CHRM3: variants seen among roughly 807,000 people sequenced by gnomAD.
CHRM3 encodes muscarinic acetylcholine receptor M3.
A neutral mutation model predicts 41.8 loss-of-function variants in CHRM3; 11 were observed. The observed-to-expected ratio is 0.26, with a 90% CI of 0.17 to 0.44. The LOEUF is 0.44. Ranked by LOEUF, CHRM3 falls within the 20% of genes least tolerant of loss-of-function variation. The pLI is 1.00. For missense variants in CHRM3, 571 were observed against 745.4 expected, an observed-to-expected ratio of 0.77 and a Z score of 2.72; for synonymous variants, 297 against 301.4, an observed-to-expected ratio of 0.99 and a Z score of 0.15.
At chr1:239,450,126 T>C (rs878900134) in intron 1 of CHRM3, among the ~76,000 whole-genome samples, 1 of 152,226 alleles carries the variant, frequency 6.6e-6, no homozygotes, top group Non-Finnish European at 1.5e-5. Context: ...CTTGTTACCC[T>C]TCTATGCTCA....
At chr1:239,557,294 A>G (rs1660452459) in intron 3 of CHRM3, among the ~76,000 whole-genome samples, 1 of 152,102 alleles carries the variant, frequency 6.6e-6, no homozygotes, top group East Asian at 1.9e-4. Flanking sequence ...CATGACTACT[A>G]TGTGGCTCTG....
intron 5 of CHRM3, among the ~76,000 whole-genome samples, chr1:239,749,433 C>T (rs1665628774): frequency 6.6e-6 from 1 of 152,060 alleles, no homozygotes; most frequent in African/African-American, 2.4e-5. Context: ...CTTTGGGAGG[C>T]CAAGGTGGGT....
chr1:239,839,672 C>T (rs1253467328), intron 6 of CHRM3, among the ~76,000 whole-genome samples: 2 of 151,968 alleles, frequency 1.3e-5, no homozygotes, highest in Non-Finnish European at 2.9e-5. Context: ...TTAAAATATT[C>T]AAGGTCAAGA....
chr1:239,767,304 A>G (rs545284684), intron 5 of CHRM3, among the ~76,000 whole-genome samples: 1 of 152,328 alleles, frequency 6.6e-6, no homozygotes, highest in East Asian at 1.9e-4. Flanking sequence ...GTCCTTAGAA[A>G]TATAAACTTT....
chr1:239,799,923 T>G (rs1259770448), intron 5 of CHRM3, among the ~76,000 whole-genome samples: 1 of 152,214 alleles, frequency 6.6e-6, no homozygotes, highest in Non-Finnish European at 1.5e-5. Context: ...ACTCAACTGA[T>G]TATGCACCCT....
intron 5 of CHRM3, among the ~76,000 whole-genome samples, chr1:239,726,694 A>T (rs1663470644): frequency 6.6e-6 from 1 of 151,936 alleles, no homozygotes; most frequent in African/African-American, 2.4e-5. Context: ...TGCTGAATGT[A>T]AAATCCTTAA....
intron 5 of CHRM3, among the ~76,000 whole-genome samples, chr1:239,773,739 G>C (rs1269539119): frequency 6.6e-6 from 1 of 152,210 alleles, no homozygotes; most frequent in African/African-American, 2.4e-5. Flanking sequence ...AAGATGGCTA[G>C]TTGTAATCAA....
chr1:239,678,899 CT>C (rs1386415265), intron 5 of CHRM3, among the ~76,000 whole-genome samples: 1 of 152,064 alleles, frequency 6.6e-6, no homozygotes, highest in Non-Finnish European at 1.5e-5. Flanking sequence ...TTAATGAATT[CT>C]CTTGAAGGAT....
At chr1:239,708,544 C>T (rs1236654128) in intron 5 of CHRM3, among the ~76,000 whole-genome samples, 1 of 152,074 alleles carries the variant, frequency 6.6e-6, no homozygotes, top group Non-Finnish European at 1.5e-5. Context: ...CACCTCCACC[C>T]CTGGGACTCT....
At chr1:239,543,133 T>A (rs1009052421) in intron 2 of CHRM3, among the ~76,000 whole-genome samples, 12 of 152,158 alleles carry the variant, frequency 7.9e-5, no homozygotes, top group African/African-American at 2.9e-4. Context: ...ATGGCACCTT[T>A]AGGGAGGGAG....
At chr1:239,593,945 T>C (rs1664490983) in intron 3 of CHRM3, among the ~76,000 whole-genome samples, 1 of 152,192 alleles carries the variant, frequency 6.6e-6, no homozygotes, top group Admixed American at 6.5e-5. Context: ...TCTTAGGCAT[T>C]TTCCATATCA....
chr1:239,585,540 C>T (rs868828578), intron 3 of CHRM3, among the ~76,000 whole-genome samples: 4 of 152,186 alleles, frequency 2.6e-5, no homozygotes, highest in South Asian at 2.1e-4. Context: ...AAAGGGCAAC[C>T]GTCAGCCTTT....
At chr1:239,839,029 T>C (rs1167309125) in intron 6 of CHRM3, among the ~76,000 whole-genome samples, 3 of 152,236 alleles carry the variant, frequency 2.0e-5, no homozygotes, top group African/African-American at 4.8e-5. Flanking sequence ...GAGAGCATCA[T>C]ACTCATCCTC....
chr1:239,614,982 A>G (rs1001355377), intron 3 of CHRM3, among the ~76,000 whole-genome samples: 4 of 152,200 alleles, frequency 2.6e-5, no homozygotes, highest in African/African-American at 7.2e-5. Flanking sequence ...TTATAAAAGG[A>G]AAATGGAATA....
intron 3 of CHRM3, among the ~76,000 whole-genome samples, chr1:239,585,754 A>T (rs1401455676): frequency 6.6e-6 from 1 of 152,230 alleles, no homozygotes; most frequent in Non-Finnish European, 1.5e-5. Flanking sequence ...ATGAATTTTA[A>T]ATGGCCAAAG....
chr1:239,873,910 A>T (rs140220195), intron 6 of CHRM3, among the ~76,000 whole-genome samples: 1 of 152,008 alleles, frequency 6.6e-6, no homozygotes, highest in African/African-American at 2.4e-5. Flanking sequence ...TGCTCCTCTC[A>T]TCGGAGTTTC....
chr1:239,755,367 T>G (rs1252298527), intron 5 of CHRM3, among the ~76,000 whole-genome samples: 2 of 152,164 alleles, frequency 1.3e-5, no homozygotes, highest in Admixed American at 1.3e-4. Flanking sequence ...ACCTCAAATA[T>G]CTAGGGCATA....
chr1:239,503,126 G>C (rs904055746), intron 2 of CHRM3, among the ~76,000 whole-genome samples: 1 of 152,106 alleles, frequency 6.6e-6, no homozygotes, highest in Admixed American at 6.6e-5. Flanking sequence ...AACTGTCACT[G>C]TTTGTTGAAG....
At chr1:239,480,543 ATTTT>A (rs745979239) in intron 1 of CHRM3, among the ~76,000 whole-genome samples, 11 of 110,698 alleles carry the variant, frequency 9.9e-5, no homozygotes, top group Non-Finnish European at 1.0e-4. Flanking sequence ...CGATAGCCCA[ATTTT>A]TTTTTTTTTT....
Sources: allele counts gnomAD v4.1 joint callset (sites outside exome capture counted in the v4.1 genomes callset), GRCh38; gene constraint gnomAD v4.1.1; transcripts MANE v1.5; gene names NCBI Gene and HGNC (gene_info 2026-07-23, HGNC 2026-07-21).